ZFYVE16: variants seen among roughly 807,000 people sequenced by gnomAD.
The protein encoded by ZFYVE16 is zinc finger FYVE-type containing 16, also known as zinc finger FYVE domain-containing protein 16.
Under a neutral mutation model 138.1 loss-of-function variants are expected in ZFYVE16, and 89 were observed. The ratio of observed to expected loss-of-function variants is 0.64; its 90% CI spans 0.54 to 0.77. The LOEUF is 0.77. Ranked by LOEUF, ZFYVE16 falls within the 30% of genes least tolerant of loss-of-function variation. The pLI, the probability that ZFYVE16 is intolerant of heterozygous loss-of-function variation, is 0.00. For missense variants in ZFYVE16, 1,793 were observed against 1,786.7 expected, an observed-to-expected ratio of 1.00 and a Z score of -0.06; for synonymous variants, 596 against 618.3, an observed-to-expected ratio of 0.96 and a Z score of 0.53.
intron 1 of ZFYVE16, among the ~76,000 whole-genome samples, chr5:80,424,233 TA>T (rs1747670221): frequency 6.6e-6 from 1 of 152,104 alleles, no homozygotes. Context: ...TATGCATTTT[TA>T]ATGCTGTCAC....
chr5:80,433,990 C>G, intron 2 of ZFYVE16, 119 bp from the exon 3 acceptor site: 1 of 666,262 alleles, frequency 1.5e-6, no homozygotes, highest in Middle Eastern at 4.3e-4. Flanking sequence ...TTCCTTAAAG[C>G]AGCACTCTTA....
intron 2 of ZFYVE16, 29 bp downstream of exon 2, chr5:80,427,574 AAACT>A (rs1748263993): frequency 7.6e-6 from 1 of 131,446 alleles, no homozygotes; most frequent in Admixed American, 7.6e-5. Flanking sequence ...TCTTTTCATA[AAACT>A]AACTGTTAGT....
chr5:80,461,632 C>G (rs1342099182), intron 15 of ZFYVE16, among the ~76,000 whole-genome samples: 1 of 152,148 alleles, frequency 6.6e-6, no homozygotes, highest in African/African-American at 2.4e-5. Context: ...GGCCTTTTCT[C>G]TGTGTGACTC....
At position 80,479,421 on chromosome 5, in the gene ZFYVE16, CA is replaced by C. The variant is rs1316128072; in HGVS notation, c.*2049del. 1.3e-5 allele frequency: 2 copies of C among 152,104 alleles called. No homozygotes were observed. Among genetic ancestry groups the C allele is most frequent in the African/African-American group, 4.8e-5 (2 of 41,434 alleles). The allele number at this position is 152,104 out of a possible 1,614,324, so 9.4% of individuals were successfully genotyped here. On this transcript the variant is annotated 3_prime_UTR_variant, in exon 19 of 19. Coordinates refer to ENST00000505560, the MANE Select transcript of ZFYVE16 (RefSeq NM_001284236.3). Reference sequence around the variant, plus strand: ...CAGAGCACTTTACCAGGTTTCTAAGCAAAAATTTCTAAAAATGATTAATTGT... The same window carrying C: ...CAGAGCACTTTACCAGGTTTCTAAGCAAAATTTCTAAAAATGATTAATTGT...
At chr5:80,470,959 A>G (rs1754309008) in intron 15 of ZFYVE16, among the ~76,000 whole-genome samples, 1 of 152,016 alleles carries the variant, frequency 6.6e-6, no homozygotes, top group Admixed American at 6.6e-5. Context: ...GCCAAGTTGG[A>G]CTACCAGAAT....
At chr5:80,439,640 C>CT (rs2112389046) in intron 4 of ZFYVE16, among the ~76,000 whole-genome samples, 1 of 152,104 alleles carries the variant, frequency 6.6e-6, no homozygotes, top group Non-Finnish European at 1.5e-5. Flanking sequence ...CTACAGAGAA[C>CT]TTTTTAATAT....
chr5:80,456,545 C>G lies in ZFYVE16; in HGVS notation c.3775C>G (p.Pro1259Ala), dbSNP rs1396998651. 1.2e-6 allele frequency: 2 copies of G among 1,611,532 alleles called. No homozygotes were observed. The highest frequency in any genetic ancestry group is 1.7e-6 in the Non-Finnish European group (2 of 1,178,314). The change falls in exon 13 of 19, where the codon CCA becomes GCA. Residue 1259 changes from proline to alanine, a missense_variant. Coordinates refer to ENST00000505560, the MANE Select transcript of ZFYVE16 (RefSeq NM_001284236.3). The stretch of plus-strand genomic sequence containing the variant: ...AATGGGAAAAAGCTGCATAAAAATA[C>G]CACGGAAAAAGTACAGTGATGTAAG... ...MEMGKSCIKI[P>A]RKKYSDVMKV... is the part of the protein sequence containing the mutation.
In ZFYVE16 at chr5:80,455,767, T is replaced by C. The variant is rs770842186; in HGVS notation, c.3683T>C (p.Leu1228Ser). Residue 1228 changes from leucine (L) to serine (S), a missense_variant, in exon 12 of 19, where the codon TTA becomes TCA. By Grantham distance (145) the Leu-to-Ser change is moderately radical (BLOSUM62 -2). Around this residue, in one of 2 missense-constraint regions of ZFYVE16, gnomAD observed 498 missense variants for 582.4 expected, o/e 0.86. Transcript: ENST00000505560. ...GAAATAGGACACACTATTATGAACT[T>C]ACTTGTTGTGAGTAATTGAACTATT... ...FGEIGHTIMN[L>S]LVDLRNYQYT... The C allele has an allele frequency of 1.9e-6, 3 of 1,575,340 alleles. No homozygotes were observed. The highest frequency in any genetic ancestry group is 2.4e-5 in the South Asian group (2 of 84,002).
chr5:80,453,838 AT>A (rs1752233038), intron 11 of ZFYVE16, among the ~76,000 whole-genome samples: 1 of 152,238 alleles, frequency 6.6e-6, no homozygotes, highest in Non-Finnish European at 1.5e-5. Context: ...GCTTTTGAAA[AT>A]ATCTGTGGTT....
chr5:80,455,463 A>C, intron 11 of ZFYVE16: 1 of 426,560 alleles, frequency 2.3e-6, no homozygotes. Context: ...GAACCCAGGA[A>C]GTGGAGGTTG....
chr5:80,414,341 C>T (rs190786097), intron 1 of ZFYVE16, among the ~76,000 whole-genome samples: 60 of 152,176 alleles, frequency 3.9e-4, no homozygotes, highest in African/African-American at 1.3e-3. Flanking sequence ...CCTGGACTGC[C>T]CTTTTACAGT....
chr5:80,437,815 G>A lies in ZFYVE16; in HGVS notation c.1130G>A (p.Cys377Tyr), dbSNP rs185551219. 3.1e-6 allele frequency: 5 copies of A among 1,614,036 alleles called. No individual in the cohort carries two copies. Among genetic ancestry groups the A allele is most frequent in the East Asian group, 4.5e-5 (2 of 44,884 alleles). The change falls in exon 4 of 19, where the codon TGT becomes TAT. Residue 377 changes from cysteine to tyrosine, a missense_variant. By Grantham distance (194) the Cys-to-Tyr change is radical. Around this residue, in one of 2 missense-constraint regions of ZFYVE16, gnomAD observed 1,295 missense variants for 1,204.3 expected, o/e 1.08. Coordinates refer to ENST00000505560, the MANE Select transcript of ZFYVE16 (RefSeq NM_001284236.3). Reference sequence around the variant, plus strand: ...AAAGATGTGCCGTCCTCATTGTCCTGTCTTCCTGCGTCTGGGTCTATGTGT... The same window carrying A: ...AAAGATGTGCCGTCCTCATTGTCCTATCTTCCTGCGTCTGGGTCTATGTGT... Reference protein sequence around the residue: ...SSKDVPSSLSCLPASGSMCGS... With the variant: ...SSKDVPSSLSYLPASGSMCGS...
rs1245533445 is a variant in ZFYVE16 at position 80,445,362 on chromosome 5, G to A, written c.2681G>A (p.Arg894Lys). ...DTTKLSSGSK[R>K]CSEDFSPLSP... is the part of the protein sequence containing the mutation. ...ACAAAATTATCATCTGGAAGTAAAA[G>A]ATGTTCTGAAGACTTTAGTCCTCTC... Residue 894 changes from arginine to lysine, a missense_variant, in exon 7 of 19, where the codon AGA becomes AAA. This residue lies in a region of ZFYVE16 where 1,295 missense variants were observed against 1,204.3 expected (regional missense o/e 1.08). Transcript: ENST00000505560. 1 of 1,613,828 alleles carries A rather than the reference G, an allele frequency of 6.2e-7. No homozygotes were observed. The highest frequency in any genetic ancestry group is 8.5e-7 in the Non-Finnish European group (1 of 1,179,942).
In ZFYVE16 at chr5:80,416,175, T is replaced by C. The variant is rs527826394; in HGVS notation, c.-94+8022T>C. 4.6e-5 allele frequency among the ~76,000 whole-genome samples: 7 copies of C among 152,244 alleles called. No homozygotes were observed. The South Asian group carries it at 1.5e-3, about 32-fold the overall frequency. On this transcript the variant is annotated intron_variant, in intron 1 of 18. Coordinates refer to ENST00000505560, the MANE Select transcript of ZFYVE16 (RefSeq NM_001284236.3). ...AATTATTTGGATTTTTTTTTTATTT[T>C]TTTGCGTGGGAGATTTGTCTTTTCC... is the stretch of plus-strand genomic sequence containing the variant.
At chr5:80,472,716 A>G in intron 15 of ZFYVE16, 45 bp from the exon 16 acceptor site, 3 of 1,584,242 alleles carry the variant, frequency 1.9e-6, no homozygotes, top group South Asian at 1.2e-5. Context: ...AGATATACAC[A>G]TTGGTATTTG....
At chr5:80,439,870 A>C in intron 4 of ZFYVE16, 66 bp from the exon 5 acceptor site, 1 of 1,373,688 alleles carries the variant, frequency 7.3e-7, no homozygotes, top group Non-Finnish European at 1.0e-6. Context: ...GGACCTCCCC[A>C]CACTGCCTCT....
In ZFYVE16 at chr5:80,439,885, G is replaced by A. The variant is rs768634068; in HGVS notation, c.2323-51G>A. 12 of 1,495,508 alleles carry A rather than the reference G, an allele frequency of 8.0e-6. No homozygotes were observed. In the Admixed American group the frequency reaches 2.3e-4, roughly 28 times the overall value. 92.6% of individuals were successfully genotyped at this position (1,495,508 alleles called of 1,614,324 possible). A position where few individuals can be genotyped will look rare whatever the true frequency, so the allele number is the denominator to read the frequency against. On this transcript the variant is annotated intron_variant, in intron 4 of 18. Transcript: ENST00000505560. ...GGACCTCCCCACACTGCCTCTAGTA[G>A]GTGTAAGTATTCTTGAAACAAAGAC...
At chr5:80,457,787 G>A (rs1288539009) in intron 14 of ZFYVE16, among the ~76,000 whole-genome samples, 1 of 151,952 alleles carries the variant, frequency 6.6e-6, no homozygotes, top group Non-Finnish European at 1.5e-5. Context: ...CAGAACTTTG[G>A]GAGGCTGAGG....
chr5:80,408,157 A>G lies in ZFYVE16; in HGVS notation c.-94+4A>G, dbSNP rs916604029. 3.9e-5 allele frequency: 6 copies of G among 152,262 alleles called. No individual in the cohort carries two copies. The highest frequency in any genetic ancestry group is 2.6e-4 in the Admixed American group (4 of 15,288). The allele number at this position is 152,262 out of a possible 1,614,324, so 9.4% of individuals were successfully genotyped here. A position where few individuals can be genotyped will look rare whatever the true frequency, so the allele number is the denominator to read the frequency against. ...GCTCCGCAGGGGCTGTAGGGAGGTA[A>G]GAGCCCCCCGTGACCGGTCGTCTCG... On this transcript the variant is annotated splice_donor_region_variant and intron_variant, in intron 1 of 18. Transcript: ENST00000505560.
Sources: allele counts gnomAD v4.1 joint callset (sites outside exome capture counted in the v4.1 genomes callset), GRCh38; gene constraint gnomAD v4.1.1; regional missense constraint gnomAD v4.1.1; transcripts MANE v1.5; gene names NCBI Gene and HGNC (gene_info 2026-07-23, HGNC 2026-07-21).